Variants in TENM3 observed in about 807,000 individuals in gnomAD.
The protein encoded by TENM3 is teneurin transmembrane protein 3.
Under a neutral mutation model 255.1 loss-of-function variants are expected in TENM3, and 63 were observed. The ratio of observed to expected loss-of-function variants is 0.25; its 90% CI spans 0.20 to 0.30. The LOEUF is 0.30. Ranked by LOEUF, TENM3 falls within the 10% of genes least tolerant of loss-of-function variation. The probability of loss-of-function intolerance (pLI) is 1.00; values close to 1 mark genes in which losing one functional copy is unlikely to be tolerated. For synonymous variants in TENM3, 1,306 were observed against 1,322.3 expected (o/e 0.99, Z 0.27); for missense variants, 2,929 against 3,461.1 (o/e 0.85, Z 3.86).
At chr4:182,100,812 TATATATACAC>T in the TENM3 span, among the ~76,000 whole-genome samples, 3 of 6,542 alleles carry the variant, frequency 4.6e-4, no homozygotes, top group Non-Finnish European at 1.1e-3. Flanking sequence ...TATATACACA[TATATATACAC>T]ATATATATAT....
the TENM3 span, among the ~76,000 whole-genome samples, chr4:181,830,966 G>A: frequency 3.3e-5 from 5 of 152,154 alleles, no homozygotes; most frequent in Non-Finnish European, 7.4e-5. Context: ...CATACACATA[G>A]GTAGCATTTC....
chr4:181,819,281 C>T, the TENM3 span, among the ~76,000 whole-genome samples: 9 of 152,036 alleles, frequency 5.9e-5, no homozygotes, highest in African/African-American at 1.9e-4. Context: ...CTAGTCCCAC[C>T]CAAAACGAGA....
Position 182,437,814 on chromosome 4 carries a change from T to TGG in TENM3, c.511+90885_511+90886insGG, listed in dbSNP as rs1561446550. Among the ~76,000 whole-genome samples the TGG allele has an allele frequency of 9.7e-4, 145 of 149,280 alleles. 1 individual carries two copies. The highest frequency in any genetic ancestry group is 2.6e-3 in the Admixed American group (39 of 15,024). ...CTCCGTCTAAAAAAAAAAAAAAATA[T>TGG]CTGGGCGGGCACCTGTAGTCCCAGC... On this transcript the variant is annotated intron_variant, in intron 3 of 27. Transcript: ENST00000511685.
intron 1 of TENM3, among the ~76,000 whole-genome samples, chr4:182,299,978 C>T (rs1400045289): frequency 6.6e-6 from 1 of 151,320 alleles, no homozygotes; most frequent in Non-Finnish European, 1.5e-5. Context: ...TGCAGTGGCG[C>T]AATCTTGGCT....
chr4:182,785,893 G>A (rs560743169), intron 24 of TENM3, among the ~76,000 whole-genome samples: 2 of 152,208 alleles, frequency 1.3e-5, no homozygotes, highest in South Asian at 4.2e-4. Flanking sequence ...ACACCCAAAG[G>A]AGAAGGTCCA....
the TENM3 span, among the ~76,000 whole-genome samples, chr4:181,964,902 T>A: frequency 2.0e-5 from 3 of 152,132 alleles, no homozygotes; most frequent in African/African-American, 7.2e-5. Flanking sequence ...CAAAACCCCT[T>A]TGACGAAAAA....
At chr4:182,539,292 CAAG>C (rs1394287045) in intron 3 of TENM3, among the ~76,000 whole-genome samples, 1 of 151,640 alleles carries the variant, frequency 6.6e-6, no homozygotes, top group Non-Finnish European at 1.5e-5. Context: ...CATCAAACAT[CAAG>C]AAAGATGAAA....
chr4:182,668,042 G>T (rs181241809), intron 6 of TENM3, among the ~76,000 whole-genome samples: 8 of 152,014 alleles, frequency 5.3e-5, no homozygotes, highest in Admixed American at 2.0e-4. Context: ...CATTAAAAAG[G>T]TTATCTCTCT....
chr4:181,539,428 T>C, the TENM3 span, among the ~76,000 whole-genome samples: 3 of 152,044 alleles, frequency 2.0e-5, no homozygotes, highest in African/African-American at 7.2e-5. Flanking sequence ...TTTTGAAAAA[T>C]AAAGTCTCAT....
chr4:181,733,235 T>C, the TENM3 span, among the ~76,000 whole-genome samples: 1 of 152,192 alleles, frequency 6.6e-6, no homozygotes, highest in Non-Finnish European at 1.5e-5. Context: ...TAGATGTAAA[T>C]AGATATAAAC....
the TENM3 span, among the ~76,000 whole-genome samples, chr4:181,520,622 C>A: frequency 6.6e-6 from 1 of 151,640 alleles, no homozygotes; most frequent in African/African-American, 2.4e-5. Flanking sequence ...AAGAAAGGAG[C>A]AAAGGTTTTC....
chr4:181,574,477 G>A, the TENM3 span, among the ~76,000 whole-genome samples: 5 of 151,496 alleles, frequency 3.3e-5, no homozygotes, highest in African/African-American at 4.9e-5. Context: ...CTTGCAGTGA[G>A]CCGAGATCGT....
At chr4:182,205,871 C>T (rs1410087413) in intron 1 of TENM3, among the ~76,000 whole-genome samples, 3 of 151,968 alleles carry the variant, frequency 2.0e-5, no homozygotes, top group African/African-American at 4.8e-5. Flanking sequence ...AAAGTGCATT[C>T]GACAGAATAT....
chr4:181,949,935 G>A, the TENM3 span, among the ~76,000 whole-genome samples: 1 of 152,082 alleles, frequency 6.6e-6, no homozygotes, highest in African/African-American at 2.4e-5. Context: ...CCTCCTCGGA[G>A]AGCCCATACC....
chr4:181,645,497 C>A, the TENM3 span, among the ~76,000 whole-genome samples: 1 of 152,202 alleles, frequency 6.6e-6, no homozygotes, highest in Non-Finnish European at 1.5e-5. Flanking sequence ...ACCCTTTTAA[C>A]AGGACAACAG....
chr4:182,304,292 A>C (rs1272536493), intron 1 of TENM3, among the ~76,000 whole-genome samples: 1 of 151,852 alleles, frequency 6.6e-6, no homozygotes, highest in African/African-American at 2.4e-5. Flanking sequence ...GGCTTACTGC[A>C]ACCTCTGCCT....
At chr4:182,040,795 C>A in the TENM3 span, among the ~76,000 whole-genome samples, 2 of 152,114 alleles carry the variant, frequency 1.3e-5, no homozygotes, top group South Asian at 2.1e-4. Context: ...TCTCCTAAAT[C>A]CTCCATGGTT....
At chr4:181,519,852 G>C in the TENM3 span, among the ~76,000 whole-genome samples, 1 of 152,180 alleles carries the variant, frequency 6.6e-6, no homozygotes, top group Non-Finnish European at 1.5e-5. Context: ...ACAATAAGCA[G>C]AGGCTGTTGG....
Position 182,801,577 on chromosome 4 carries a change from G to T in TENM3, c.*1226G>T, listed in dbSNP as rs1315759459. ...TCTTGATGGAGGAGAGACCACATCA[G>T]ATGCTGGGGAAATAGGAGGAGGAAA... is the stretch of plus-strand genomic sequence containing the variant. On this transcript the variant is annotated 3_prime_UTR_variant, in exon 28 of 28. Transcript: ENST00000511685. The T allele has an allele frequency of 6.6e-6, 1 of 152,238 alleles. No individual in the cohort carries two copies. Among genetic ancestry groups the T allele is most frequent in the Non-Finnish European group, 1.5e-5 (1 of 68,056 alleles). 9.4% of individuals were successfully genotyped at this position (152,238 alleles called of 1,614,324 possible).
Sources: gnomAD v4.1 joint callset for allele counts (sites outside exome capture counted in the v4.1 genomes callset) on GRCh38, gnomAD v4.1.1 for gene constraint, MANE v1.5 for transcripts, NCBI Gene and HGNC (gene_info 2026-07-23, HGNC 2026-07-21) for gene names.